Variants in LYPD6 observed in about 807,000 individuals in gnomAD.
The protein encoded by LYPD6 is LY6/PLAUR domain containing 6.
In LYPD6, 15 loss-of-function variants were observed where a neutral mutation model predicts 22.7. The observed-to-expected ratio is 0.66, with a 90% CI of 0.44 to 1.02. The LOEUF is 1.02. LYPD6 is among the 50% of genes least tolerant of loss of function. The probability of loss-of-function intolerance (pLI) is 0.00; values close to 1 mark genes in which losing one functional copy is unlikely to be tolerated. For synonymous variants in LYPD6, 72 were observed against 77.5 expected (o/e 0.93, Z 0.37); for missense variants, 189 against 208.4 (o/e 0.91, Z 0.57).
At chr2:149,366,573 AG>A (rs1373475330) in intron 1 of LYPD6, among the ~76,000 whole-genome samples, 1 of 152,218 alleles carries the variant, frequency 6.6e-6, no homozygotes, top group Non-Finnish European at 1.5e-5. Flanking sequence ...AGAAGAGTCC[AG>A]GGACTGGGGG....
chr2:149,337,217 C>A (rs952260321), intron 1 of LYPD6, among the ~76,000 whole-genome samples: 1 of 151,996 alleles, frequency 6.6e-6, no homozygotes, highest in Non-Finnish European at 1.5e-5. Flanking sequence ...CCAGTAAATA[C>A]GTTGGAATGT....
chr2:149,362,927 G>A (rs916855846), intron 1 of LYPD6, among the ~76,000 whole-genome samples: 1 of 152,160 alleles, frequency 6.6e-6, no homozygotes, highest in South Asian at 2.1e-4. Flanking sequence ...CGACAAGGAT[G>A]TTCCTTTTGT....
At chr2:149,383,094 G>A (rs747419599) in intron 1 of LYPD6, among the ~76,000 whole-genome samples, 1 of 152,112 alleles carries the variant, frequency 6.6e-6, no homozygotes, top group Non-Finnish European at 1.5e-5. Context: ...TAACTAAAGT[G>A]TGTAATTCAG....
At chr2:149,339,982 A>G (rs1030083268) in intron 1 of LYPD6, among the ~76,000 whole-genome samples, 1 of 152,280 alleles carries the variant, frequency 6.6e-6, no homozygotes, top group African/African-American at 2.4e-5. Flanking sequence ...TGCAGCAGTT[A>G]TGACTTGTTC....
At chr2:149,452,284 A>G (rs1421933308) in intron 3 of LYPD6, among the ~76,000 whole-genome samples, 1 of 152,212 alleles carries the variant, frequency 6.6e-6, no homozygotes, top group Non-Finnish European at 1.5e-5. Context: ...CTGTAAGCTG[A>G]GAAGGGGTGA....
chr2:149,348,686 A>C (rs148172019), intron 1 of LYPD6, among the ~76,000 whole-genome samples: 1 of 152,104 alleles, frequency 6.6e-6, no homozygotes, highest in African/African-American at 2.4e-5. Flanking sequence ...TTCTTCCCCC[A>C]CTCTCTTCCT....
At chr2:149,485,717 G>GT in the LYPD6 span, among the ~76,000 whole-genome samples, 1 of 152,118 alleles carries the variant, frequency 6.6e-6, no homozygotes, top group Non-Finnish European at 1.5e-5. Flanking sequence ...ATATTTATAG[G>GT]TTTTATCTTT....
At chr2:149,427,649 C>T (rs958203698) in intron 1 of LYPD6, among the ~76,000 whole-genome samples, 1 of 152,200 alleles carries the variant, frequency 6.6e-6, no homozygotes, top group African/African-American at 2.4e-5. Context: ...CGCATAATGA[C>T]ATTTTGGTCA....
At chr2:149,379,794 T>C (rs1195780501) in intron 1 of LYPD6, among the ~76,000 whole-genome samples, 1 of 152,214 alleles carries the variant, frequency 6.6e-6, no homozygotes, top group African/African-American at 2.4e-5. Context: ...ACCTACTAAG[T>C]GCCAGGCATC....
intron 1 of LYPD6, among the ~76,000 whole-genome samples, chr2:149,427,026 C>T (rs992552457): frequency 6.6e-6 from 1 of 152,158 alleles, no homozygotes; most frequent in Non-Finnish European, 1.5e-5. Context: ...ATTACTAGTA[C>T]TTCTTGTTTC....
intron 1 of LYPD6, among the ~76,000 whole-genome samples, chr2:149,391,215 G>C (rs752931796): frequency 2.6e-4 from 39 of 152,156 alleles, no homozygotes; most frequent in Non-Finnish European, 5.1e-4. Context: ...ACATGGTCTT[G>C]AATTTTAAAG....
the LYPD6 span, among the ~76,000 whole-genome samples, chr2:149,485,755 C>T: frequency 1.3e-5 from 2 of 151,994 alleles, no homozygotes; most frequent in Non-Finnish European, 2.9e-5. Context: ...AATTTCATTC[C>T]CCTAATGGCC....
At chr2:149,474,835 T>A (rs985446687), downstream of LYPD6, among the ~76,000 whole-genome samples, 1 of 152,150 alleles carries the variant, frequency 6.6e-6, no homozygotes, top group Non-Finnish European at 1.5e-5. Flanking sequence ...TGGCATGATC[T>A]CACACTTACT....
chr2:149,355,337 C>T (rs1358489361), intron 1 of LYPD6, among the ~76,000 whole-genome samples: 4 of 152,188 alleles, frequency 2.6e-5, no homozygotes. Context: ...CCTCAGTTGT[C>T]AGTTCTAATC....
intron 1 of LYPD6, among the ~76,000 whole-genome samples, chr2:149,423,624 C>T (rs1020033704): frequency 4.6e-5 from 7 of 151,984 alleles, no homozygotes; most frequent in Admixed American, 1.3e-4. Flanking sequence ...CTTTTTTCTG[C>T]GGATAGATAC....
At chr2:149,390,964 A>G (rs893633432) in intron 1 of LYPD6, among the ~76,000 whole-genome samples, 1 of 152,170 alleles carries the variant, frequency 6.6e-6, no homozygotes, top group East Asian at 1.9e-4. Context: ...TGGTATCCCC[A>G]TTTTATAGAG....
At chr2:149,424,444 G>C (rs760573186) in intron 1 of LYPD6, among the ~76,000 whole-genome samples, 2 of 152,206 alleles carry the variant, frequency 1.3e-5, no homozygotes, top group Non-Finnish European at 2.9e-5. Context: ...GAAAGAAAAA[G>C]TAACCTGTCC....
intron 1 of LYPD6, among the ~76,000 whole-genome samples, chr2:149,433,251 A>T (rs1411637715): frequency 6.6e-6 from 1 of 152,202 alleles, no homozygotes; most frequent in East Asian, 1.9e-4. Flanking sequence ...TGTGCTAAAG[A>T]AATCAGGCCT....
In LYPD6 at chr2:149,384,401, T is replaced by C. The variant is rs1399725180; in HGVS notation, c.-71-53237T>C. Among the ~76,000 whole-genome samples, 12 of 152,252 alleles carry C rather than the reference T, an allele frequency of 7.9e-5. No individual in the cohort carries two copies. In the East Asian group the frequency reaches 2.1e-3, roughly 27 times the overall value. ...ATACCTGGATGTCTGTGTTTGTTGG[T>C]TGTGGGGTTTGAGAAGGCATTACAG... On this transcript the variant is annotated intron_variant, in intron 1 of 4. Transcript: ENST00000334166.
Sources: allele counts gnomAD v4.1 joint callset (sites outside exome capture counted in the v4.1 genomes callset), GRCh38; gene constraint gnomAD v4.1.1; transcripts MANE v1.5; gene names NCBI Gene and HGNC (gene_info 2026-07-23, HGNC 2026-07-21).